The following ADGRG7 variants were observed in gnomAD, a reference collection of about 807,000 sequenced individuals.
ADGRG7 encodes adhesion G protein-coupled receptor G7.
A neutral mutation model predicts 88.6 loss-of-function variants in ADGRG7; 82 were observed. The observed-to-expected ratio is 0.93, with a 90% CI of 0.77 to 1.11. The LOEUF is 1.11. Ranked by LOEUF, ADGRG7 falls within the 50% of genes most tolerant of loss-of-function variation. The pLI, the probability that ADGRG7 is intolerant of heterozygous loss-of-function variation, is 0.00. For synonymous variants in ADGRG7, 381 were observed against 345.2 expected, an observed-to-expected ratio of 1.10 and a Z score of -1.15; for missense variants, 945 against 953.4, an observed-to-expected ratio of 0.99 and a Z score of 0.12.
At chr3:100,611,312 C>T (rs1260848444) in intron 1 of ADGRG7, among the ~76,000 whole-genome samples, 28 of 147,476 alleles carry the variant, frequency 1.9e-4, no homozygotes, top group East Asian at 7.9e-4. Flanking sequence ...TTCTTCTTTC[C>T]TTCCTTCCTT....
At chr3:100,692,542 T>C (rs1421690181) in intron 15 of ADGRG7, among the ~76,000 whole-genome samples, 1 of 152,164 alleles carries the variant, frequency 6.6e-6, no homozygotes, top group African/African-American at 2.4e-5. Flanking sequence ...TGGTAAAAAC[T>C]GTTAATGGTA....
At chr3:100,646,218 G>A (rs530739237) in intron 9 of ADGRG7, 110 bp downstream of exon 9, 8 of 638,786 alleles carry the variant, frequency 1.3e-5, no homozygotes, top group Admixed American at 3.3e-5. Context: ...ATAGGAGGGC[G>A]GGGGGGAGGG....
chr3:100,692,793 C>A (rs1358999926), intron 15 of ADGRG7, among the ~76,000 whole-genome samples: 2 of 152,094 alleles, frequency 1.3e-5, no homozygotes, highest in Admixed American at 1.3e-4. Context: ...TACATCAGAA[C>A]TTACATAGTA....
chr3:100,649,021 G>A (rs887011712), intron 10 of ADGRG7, among the ~76,000 whole-genome samples: 6 of 152,090 alleles, frequency 3.9e-5, no homozygotes, highest in Non-Finnish European at 8.8e-5. Context: ...CCATATTTAT[G>A]AAAATATTTC....
intron 1 of ADGRG7, among the ~76,000 whole-genome samples, chr3:100,620,835 T>G (rs1367588220): frequency 6.7e-6 from 1 of 150,006 alleles, no homozygotes; most frequent in Non-Finnish European, 1.5e-5. Context: ...GGTATTATGT[T>G]TTTTTTTTTT....
chr3:100,673,170 G>A (rs1576335078), intron 15 of ADGRG7, among the ~76,000 whole-genome samples: 1 of 152,130 alleles, frequency 6.6e-6, no homozygotes, highest in Admixed American at 6.5e-5. Context: ...GTAGAATTTG[G>A]CTGTGAATCC....
At chr3:100,688,081 C>A (rs940344522) in intron 15 of ADGRG7, among the ~76,000 whole-genome samples, 1 of 152,100 alleles carries the variant, frequency 6.6e-6, no homozygotes, top group African/African-American at 2.4e-5. Flanking sequence ...TTCAGGGATT[C>A]AACTTCTTCC....
intron 15 of ADGRG7, among the ~76,000 whole-genome samples, 181 bp from the exon 16 acceptor site, chr3:100,694,563 A>G (rs1576344268): frequency 6.6e-6 from 1 of 152,200 alleles, no homozygotes; most frequent in South Asian, 2.1e-4. Context: ...GTCTTTGTAT[A>G]TGGGAAAACT....
intron 8 of ADGRG7, 139 bp downstream of exon 8, chr3:100,643,772 C>T (rs1264752194): frequency 3.3e-6 from 2 of 599,006 alleles, no homozygotes; most frequent in Admixed American, 3.2e-5. Context: ...TGAGCTCTGA[C>T]ATATTATGGT....
chr3:100,615,756 C>T (rs1707215939), intron 1 of ADGRG7, among the ~76,000 whole-genome samples: 1 of 152,062 alleles, frequency 6.6e-6, no homozygotes, highest in African/African-American at 2.4e-5. Context: ...GAGGAAAAAT[C>T]ACAAGTGGCA....
chr3:100,630,961 A>C (rs540831129), intron 3 of ADGRG7, 152 bp downstream of exon 3: 2 of 392,128 alleles, frequency 5.1e-6, no homozygotes, highest in South Asian at 1.3e-4. Flanking sequence ...AATGTTCAAA[A>C]CTTAAGGTAG....
chr3:100,670,049 AATT>A (rs1289434556), intron 15 of ADGRG7, among the ~76,000 whole-genome samples: 1 of 151,978 alleles, frequency 6.6e-6, no homozygotes, highest in Admixed American at 6.6e-5. Flanking sequence ...AAAAAACAAA[AATT>A]ATTATTAACT....
At chr3:100,679,669 T>G (rs368925296) in intron 15 of ADGRG7, among the ~76,000 whole-genome samples, 1 of 152,202 alleles carries the variant, frequency 6.6e-6, no homozygotes. Flanking sequence ...TATCATAGAA[T>G]ATAGTAGCAA....
chr3:100,636,473 C>A lies in ADGRG7; in HGVS notation c.597+647C>A, dbSNP rs113873188. ...ATTCCTGATATTTTAATTTGCTAAA[C>A]CCTGGTACTTGAAAACAAGTATATT... On this transcript the variant is annotated intron_variant, in intron 5 of 15. Transcript: ENST00000273352. Among the ~76,000 whole-genome samples the A allele has an allele frequency of 3.8e-3, 574 of 152,208 alleles. 5 individuals carry two copies. Among genetic ancestry groups the A allele is most frequent in the Non-Finnish European group, 4.0e-3 (274 of 68,014 alleles).
At chr3:100,623,126 A>T (rs116296123) in intron 1 of ADGRG7, among the ~76,000 whole-genome samples, 2 of 151,912 alleles carry the variant, frequency 1.3e-5, no homozygotes, top group Admixed American at 1.3e-4. Flanking sequence ...CTAATTATCA[A>T]TTTTTTTCTA....
In ADGRG7 at chr3:100,630,770, G is replaced by A; in HGVS notation, c.295G>A (p.Gly99Arg). 1 of 1,484,440 alleles carries A rather than the reference G, an allele frequency of 6.7e-7. No individual in the cohort carries two copies. Among genetic ancestry groups the A allele is most frequent in the Non-Finnish European group, 8.9e-7 (1 of 1,119,490 alleles). The allele number at this position is 1,484,440 out of a possible 1,614,324, so 92.0% of individuals were successfully genotyped here. A position where few individuals can be genotyped will look rare whatever the true frequency, so the allele number is the denominator to read the frequency against. The change falls in exon 3 of 16, where the codon GGA becomes AGA. Residue 99 changes from glycine (G) to arginine (R), a missense_variant. Physicochemically the swap from Gly to Arg is moderately radical, Grantham distance 125. Transcript: ENST00000273352. The part of the protein sequence containing the change: ...TFARIPVGRY[G>R]PSLQTCGKDT... ...TGCCAGAATCCCAGTGGGCAGATAT[G>A]GACCATCCTTGCAAACATGTGGCAA...
intron 14 of ADGRG7, among the ~76,000 whole-genome samples, chr3:100,664,157 C>T (rs921274007): frequency 2.0e-5 from 3 of 151,930 alleles, no homozygotes; most frequent in Non-Finnish European, 2.9e-5. Context: ...TTTATTTGGA[C>T]TCTTTAAAAA....
intron 14 of ADGRG7, among the ~76,000 whole-genome samples, chr3:100,667,684 A>C (rs1319881383): frequency 6.6e-6 from 1 of 152,224 alleles, no homozygotes; most frequent in Non-Finnish European, 1.5e-5. Context: ...TCCTTTGGGC[A>C]TATGCCCAGT....
chr3:100,639,065 T>C (rs975227829), intron 6 of ADGRG7, among the ~76,000 whole-genome samples: 1 of 150,852 alleles, frequency 6.6e-6, no homozygotes, highest in African/African-American at 2.4e-5. Flanking sequence ...TGTATGTATA[T>C]GTATATTACA....
Sources: gnomAD v4.1 joint callset for allele counts (sites outside exome capture counted in the v4.1 genomes callset) on GRCh38, gnomAD v4.1.1 for gene constraint, MANE v1.5 for transcripts, NCBI Gene and HGNC (gene_info 2026-07-23, HGNC 2026-07-21) for gene names.